Variants in SBF2 observed in about 807,000 individuals in gnomAD.
SBF2 encodes the protein SET binding factor 2, also known as myotubularin-related protein 13.
In SBF2, 112 loss-of-function variants were observed where a neutral mutation model predicts 225.2. That is an observed-to-expected ratio of 0.50 (90% CI 0.43 to 0.58). The LOEUF (loss-of-function observed/expected upper bound fraction) is 0.58. Ranked by LOEUF, SBF2 falls within the 20% of genes least tolerant of loss-of-function variation. SBF2 has a pLI of 0.00. For missense variants in SBF2, 1,996 were observed against 2,206.2 expected (o/e 0.90, Z 1.91); for synonymous variants, 763 against 773.3 (o/e 0.99, Z 0.22).
Position 9,780,317 on chromosome 11 carries a change from G to A in SBF2, c.*101C>T. 2.9e-6 allele frequency: 3 copies of A among 1,018,322 alleles called. No homozygotes were observed. Among genetic ancestry groups the A allele is most frequent in the Non-Finnish European group, 3.0e-6 (2 of 666,582 alleles). 63.1% of individuals were successfully genotyped at this position (1,018,322 alleles called of 1,614,324 possible). ...ACTGGGCAGGAGAACCTCAGGCCCT[G>A]GGATAACTTGTTGTCAGCTCCTCAA... On this transcript the variant is annotated 3_prime_UTR_variant, in exon 40 of 40. Coordinates refer to ENST00000256190, the MANE Select transcript of SBF2 (RefSeq NM_030962.4).
intron 16 of SBF2, among the ~76,000 whole-genome samples, chr11:9,939,980 G>A (rs1259317760): frequency 6.6e-6 from 1 of 152,142 alleles, no homozygotes; most frequent in African/African-American, 2.4e-5. Context: ...AATGTATATT[G>A]ACACTGAATC....
intron 14 of SBF2, among the ~76,000 whole-genome samples, chr11:9,965,680 A>C (rs1451135810): frequency 1.3e-5 from 2 of 152,174 alleles, no homozygotes; most frequent in Non-Finnish European, 2.9e-5. Flanking sequence ...GCTTCCCCCT[A>C]TGGTGACATC....
intron 5 of SBF2, among the ~76,000 whole-genome samples, chr11:10,029,051 A>T (rs559986005): frequency 8.9e-4 from 136 of 152,282 alleles, no homozygotes; most frequent in Non-Finnish European, 1.6e-3. Context: ...AGAAATGCCA[A>T]TCCCACTATA....
At chr11:9,819,781 G>A (rs1182306217) in intron 28 of SBF2, among the ~76,000 whole-genome samples, 1 of 152,198 alleles carries the variant, frequency 6.6e-6, no homozygotes, top group East Asian at 1.9e-4. Context: ...AGGAAACAAT[G>A]AAGCTCTAGC....
Position 9,856,733 on chromosome 11 carries a change from G to A in SBF2, c.2101-13C>T, listed in dbSNP as rs1564921411. On this transcript the variant is annotated splice_polypyrimidine_tract_variant and intron_variant, in intron 18 of 39. Transcript: ENST00000256190. ...CAGGAAGCTTATCCTAAAAAATAAAGCAACACAATCCAAAAGAGAACCATC... is the reference window on the plus strand; with the variant it reads ...CAGGAAGCTTATCCTAAAAAATAAAACAACACAATCCAAAAGAGAACCATC... 6.2e-7 allele frequency: 1 copy of A among 1,604,496 alleles called. No homozygotes were observed.
At chr11:9,802,093 G>A (rs752439068) in intron 32 of SBF2, among the ~76,000 whole-genome samples, 2 of 152,246 alleles carry the variant, frequency 1.3e-5, no homozygotes, top group Non-Finnish European at 2.9e-5. Context: ...CTCTAATGCC[G>A]AAATAAAGGG....
chr11:9,869,603 CAT>C (rs1296482950), intron 17 of SBF2, among the ~76,000 whole-genome samples: 2 of 152,298 alleles, frequency 1.3e-5, no homozygotes, highest in South Asian at 2.1e-4. Context: ...AAAAAAACCA[CAT>C]GATTATCTCA....
rs115998517 is a variant in SBF2 at position 9,803,280 on chromosome 11, A to T, written c.4443+4720T>A. ...TTAGTAAATAAAACAAAACAGCAGAAATTAAGCATATACCCCAAATTGTTT... is the reference window on the plus strand; with the variant it reads ...TTAGTAAATAAAACAAAACAGCAGATATTAAGCATATACCCCAAATTGTTT... On this transcript the variant is annotated intron_variant, in intron 32 of 39. Transcript: ENST00000256190. 7.4e-3 allele frequency among the ~76,000 whole-genome samples: 1,126 copies of T among 152,346 alleles called. 11 individuals are homozygous for T. Among genetic ancestry groups the T allele is most frequent in the African/African-American group, 0.025 (1,049 of 41,574 alleles).
intron 16 of SBF2, among the ~76,000 whole-genome samples, chr11:9,911,851 G>A (rs1862645770): frequency 6.6e-6 from 1 of 152,190 alleles, no homozygotes; most frequent in African/African-American, 2.4e-5. Flanking sequence ...GTATAGTAAT[G>A]TGCTGTACAG....
chr11:10,084,989 A>G (rs998262210), intron 2 of SBF2, among the ~76,000 whole-genome samples: 1 of 152,132 alleles, frequency 6.6e-6, no homozygotes, highest in Non-Finnish European at 1.5e-5. Flanking sequence ...TGCAATATAT[A>G]TTAGTTGGGT....
intron 33 of SBF2, among the ~76,000 whole-genome samples, chr11:9,794,308 T>C (rs1037418366): frequency 1.3e-5 from 2 of 152,124 alleles, no homozygotes; most frequent in African/African-American, 4.8e-5. Context: ...CTCCCAATAT[T>C]TGTACATGTT....
intron 17 of SBF2, among the ~76,000 whole-genome samples, chr11:9,869,516 G>A (rs1454633868): frequency 2.0e-5 from 3 of 151,924 alleles, no homozygotes; most frequent in African/African-American, 4.8e-5. Flanking sequence ...ACAGGGTTTC[G>A]CCATGTTGGC....
intron 17 of SBF2, among the ~76,000 whole-genome samples, chr11:9,892,164 G>A (rs1301338345): frequency 2.0e-5 from 3 of 152,064 alleles, no homozygotes; most frequent in Admixed American, 2.0e-4. Context: ...TGTCACCCAG[G>A]CTGGAGTGCA....
intron 16 of SBF2, among the ~76,000 whole-genome samples, chr11:9,931,597 G>A (rs960132222): frequency 6.6e-6 from 1 of 151,954 alleles, no homozygotes; most frequent in Non-Finnish European, 1.5e-5. Flanking sequence ...CAACAAAAAG[G>A]ACATCTACAC....
At chr11:10,167,563 G>T (rs1415946036) in intron 2 of SBF2, among the ~76,000 whole-genome samples, 1 of 152,020 alleles carries the variant, frequency 6.6e-6, no homozygotes, top group African/African-American at 2.4e-5. Flanking sequence ...GCAACACTGT[G>T]TCTTCTAAAT....
chr11:10,027,061 T>G (rs774838872), intron 6 of SBF2, among the ~76,000 whole-genome samples: 23 of 152,212 alleles, frequency 1.5e-4, no homozygotes, highest in South Asian at 4.1e-4. Context: ...AATTAATACA[T>G]GCATTACTTC....
chr11:10,113,914 T>C (rs970601981), intron 2 of SBF2, among the ~76,000 whole-genome samples: 5 of 152,172 alleles, frequency 3.3e-5, no homozygotes, highest in Non-Finnish European at 7.4e-5. Flanking sequence ...AAAATTTTCA[T>C]AATTTTAGAA....
At chr11:10,054,619 G>C (rs1411361127) in intron 2 of SBF2, among the ~76,000 whole-genome samples, 1 of 152,136 alleles carries the variant, frequency 6.6e-6, no homozygotes, top group Non-Finnish European at 1.5e-5. Context: ...GGAGTGAACA[G>C]ACAACTTATA....
intron 16 of SBF2, among the ~76,000 whole-genome samples, chr11:9,899,399 G>A (rs61876925): frequency 0.044 from 6,691 of 151,164 alleles, 226 homozygotes; most frequent in Admixed American, 0.1. Context: ...AGCTACTTGG[G>A]AGGCTGAGAT....
Sources: gnomAD v4.1 joint callset for allele counts (sites outside exome capture counted in the v4.1 genomes callset) on GRCh38, gnomAD v4.1.1 for gene constraint, MANE v1.5 for transcripts, NCBI Gene and HGNC (gene_info 2026-07-23, HGNC 2026-07-21) for gene names.